The following CAP1 variants were observed in gnomAD, a reference collection of about 807,000 sequenced individuals.
The protein encoded by CAP1 is adenylyl cyclase-associated protein 1.
A neutral mutation model predicts 58.2 loss-of-function variants in CAP1; 11 were observed. The observed-to-expected ratio is 0.19, with a 90% confidence interval of 0.12 to 0.31. The LOEUF (loss-of-function observed/expected upper bound fraction) is 0.31, where lower values mean the gene tolerates loss of function less well. CAP1 is among the 10% of genes least tolerant of loss of function. The pLI is 1.00. For missense variants in CAP1, 423 were observed against 587.5 expected, an observed-to-expected ratio of 0.72 and a Z score of 2.89; for synonymous variants, 183 against 213.8, an observed-to-expected ratio of 0.86 and a Z score of 1.26.
At position 40,072,267 on chromosome 1, in the gene CAP1, A is replaced by AC. The variant is rs1648198169; in HGVS notation, c.*734_*735insC. The AC allele has an allele frequency of 3.3e-6, 1 of 304,528 alleles. No individual in the cohort carries two copies. The highest frequency in any genetic ancestry group is 5.6e-6 in the Non-Finnish European group (1 of 179,306). The allele number at this position is 304,528 out of a possible 1,614,324, so 18.9% of individuals were successfully genotyped here. ...ACTTTAAAAGGAAAAAAAAAAAAAA[A>AC]AAAACCCACATGATTTCAAGGAGTC... On this transcript the variant is annotated 3_prime_UTR_variant, in exon 13 of 13. Coordinates refer to ENST00000372805, the MANE Select transcript of CAP1 (RefSeq NM_006367.4).
At chr1:40,046,872 A>G (rs2124181360) in intron 1 of CAP1, among the ~76,000 whole-genome samples, 1 of 151,424 alleles carries the variant, frequency 6.6e-6, no homozygotes, top group African/African-American at 2.4e-5. Flanking sequence ...TCCTGGGTTC[A>G]AGCAATTCTT....
intron 3 of CAP1, 96 bp downstream of exon 3, chr1:40,060,266 A>G: frequency 1.2e-6 from 1 of 826,382 alleles, no homozygotes; most frequent in East Asian, 2.7e-5. Flanking sequence ...CTCCTTGAGA[A>G]GTTCCTCTTG....
chr1:40,063,769 T>C (rs1163336385), intron 4 of CAP1, among the ~76,000 whole-genome samples: 4 of 152,208 alleles, frequency 2.6e-5, no homozygotes, highest in South Asian at 2.1e-4. Context: ...ATAGTTTGTA[T>C]TGGTGAGTGA....
chr1:40,061,768 C>T lies in CAP1; in HGVS notation c.250C>T (p.Arg84Ter), dbSNP rs767873454. 7 of 1,614,078 alleles carry T rather than the reference C, an allele frequency of 4.3e-6. No homozygotes were observed. Among genetic ancestry groups the T allele is most frequent in the Non-Finnish European group, 5.9e-6 (7 of 1,179,960 alleles). Residue 84 changes from arginine to a stop codon, truncating the protein, a stop_gained, in exon 4 of 13, where the codon CGA (arginine) becomes TGA (stop). Transcript: ENST00000372805. LOFTEE classifies it high-confidence loss of function. ...GGTCCACACAGGTTTGAAGTTGGAG[C>T]GAGCTCTGTTGGTTACAGCTTCTCA... ...EMVHTGLKLE[R>*]ALLVTASQCQ...
chr1:40,070,761 C>A, intron 11 of CAP1, 75 bp from the exon 12 acceptor site: 1 of 1,338,930 alleles, frequency 7.5e-7, no homozygotes, highest in Non-Finnish European at 1.0e-6. Flanking sequence ...TCACGTGAAA[C>A]AGGAAACCTT....
intron 1 of CAP1, among the ~76,000 whole-genome samples, chr1:40,043,834 A>C (rs1645957214): frequency 6.6e-6 from 1 of 151,928 alleles, no homozygotes; most frequent in Admixed American, 6.6e-5. Context: ...CTGAGATTGC[A>C]CTGCTGCACT....
chr1:40,058,497 G>T (rs188973961), intron 1 of CAP1, among the ~76,000 whole-genome samples: 2 of 152,220 alleles, frequency 1.3e-5, no homozygotes, highest in East Asian at 1.9e-4. Flanking sequence ...AGGCCAAGGC[G>T]GGTGGATTAC....
chr1:40,055,152 G>T (rs1468386465), intron 1 of CAP1, among the ~76,000 whole-genome samples: 5 of 152,172 alleles, frequency 3.3e-5, no homozygotes, highest in African/African-American at 9.7e-5. Context: ...AGGCTCAGAA[G>T]TGAGAGAAAG....
Position 40,070,227 on chromosome 1 carries a change from C to T in CAP1, c.1062C>T (p.Tyr354=). 4 of 1,614,108 alleles carry T rather than the reference C, an allele frequency of 2.5e-6. No individual in the cohort carries two copies. The highest frequency in any genetic ancestry group is 1.1e-5 in the South Asian group (1 of 91,084). The change falls in exon 10 of 13, where the codon TAC becomes TAT. Residue 354 remains tyrosine, a synonymous_variant. Transcript: ENST00000372805. ...DTELKQVAYI[Y]KCVNTTLQIK... ...AGCTGAAACAGGTGGCTTACATATA[C>T]AAGTGTGTCAACACGACATTGCAAA... is the stretch of plus-strand genomic sequence containing the variant.
chr1:40,064,335 A>G lies in CAP1; in HGVS notation c.403A>G (p.Ser135Gly), dbSNP rs1179698812. 1 of 1,614,198 alleles carries G rather than the reference A, an allele frequency of 6.2e-7. No homozygotes were observed. The highest frequency in any genetic ancestry group is 1.7e-5 in the Admixed American group (1 of 60,026). Reference protein sequence around the residue: ...SKLFNHLSAVSESIQALGWVA... With the variant: ...SKLFNHLSAVGESIQALGWVA... Reference sequence around the variant, plus strand: ...GTTGTTTAATCACCTGTCAGCTGTCAGCGAAAGTATCCAGGCCCTGGGCTG... The same window carrying G: ...GTTGTTTAATCACCTGTCAGCTGTCGGCGAAAGTATCCAGGCCCTGGGCTG... The change falls in exon 5 of 13, where the codon AGC (serine) becomes GGC (glycine). Residue 135 changes from serine (S) to glycine (G), a missense_variant. By Grantham distance (56) the Ser-to-Gly change is moderately conservative. Transcript: ENST00000372805.
chr1:40,061,897 A>T, intron 4 of CAP1, 85 bp downstream of exon 4: 2 of 1,010,970 alleles, frequency 2.0e-6, no homozygotes, highest in Non-Finnish European at 3.1e-6. Context: ...TAACATTTTA[A>T]AATAGACCTA....
At chr1:40,042,464 CT>C (rs1344404794) in intron 1 of CAP1, among the ~76,000 whole-genome samples, 3 of 152,160 alleles carry the variant, frequency 2.0e-5, no homozygotes, top group African/African-American at 7.2e-5. Context: ...GCAGAGACTA[CT>C]ACAGGTGCAA....
intron 1 of CAP1, among the ~76,000 whole-genome samples, chr1:40,041,737 G>GAGCT (rs1348621714): frequency 6.6e-6 from 1 of 152,222 alleles, no homozygotes; most frequent in Non-Finnish European, 1.5e-5. Flanking sequence ...TGCCCGCGTG[G>GAGCT]AGCTAGCAGT....
chr1:40,063,318 C>T (rs1296840773), intron 4 of CAP1, among the ~76,000 whole-genome samples: 2 of 152,324 alleles, frequency 1.3e-5, no homozygotes, highest in East Asian at 3.9e-4. Flanking sequence ...GCTGGGACTA[C>T]AGGCATGCGC....
Position 40,069,677 on chromosome 1 carries a change from G to A in CAP1, c.809-13G>A. On this transcript the variant is annotated splice_polypyrimidine_tract_variant and intron_variant, in intron 8 of 12. Coordinates refer to ENST00000372805, the MANE Select transcript of CAP1 (RefSeq NM_006367.4). ...TATGAAGGACAGGAACAAGGTAGCT[G>A]TTGTTCTTACAGCCCTGAAACATGT... is the stretch of plus-strand genomic sequence containing the variant. The A allele has an allele frequency of 6.2e-7, 1 of 1,609,866 alleles. No individual in the cohort carries two copies. The highest frequency in any genetic ancestry group is 8.5e-7 in the Non-Finnish European group (1 of 1,177,496).
intron 6 of CAP1, among the ~76,000 whole-genome samples, 192 bp from the exon 7 acceptor site, chr1:40,066,022 GT>G (rs1478849585): frequency 2.8e-4 from 43 of 152,162 alleles, no homozygotes; most frequent in Non-Finnish European, 6.2e-4. Flanking sequence ...TCTTAGTGGA[GT>G]TTGGTCTGAT....
chr1:40,068,893 C>T (rs1171060468), intron 8 of CAP1, among the ~76,000 whole-genome samples: 1 of 151,864 alleles, frequency 6.6e-6, no homozygotes, highest in Non-Finnish European at 1.5e-5. Context: ...AGTGCAGTGG[C>T]GTGATCTTGG....
chr1:40,070,671 A>G (rs1339756127), intron 11 of CAP1, 159 bp downstream of exon 11: 13 of 901,670 alleles, frequency 1.4e-5, no homozygotes, highest in Non-Finnish European at 1.7e-5. Flanking sequence ...TCTTCAAGCA[A>G]GTTCTTTTCA....
At chr1:40,065,384 T>A (rs189257183) in intron 6 of CAP1, among the ~76,000 whole-genome samples, 1 of 151,684 alleles carries the variant, frequency 6.6e-6, no homozygotes, top group Non-Finnish European at 1.5e-5. Flanking sequence ...TTTATTAAGT[T>A]GCATATCTAC....
Sources: gnomAD v4.1 joint callset for allele counts (sites outside exome capture counted in the v4.1 genomes callset) on GRCh38, gnomAD v4.1.1 for gene constraint, MANE v1.5 for transcripts, NCBI Gene and HGNC (gene_info 2026-07-23, HGNC 2026-07-21) for gene names.